The following SNTG1 variants were observed in gnomAD, a reference collection of about 807,000 sequenced individuals.
SNTG1 encodes gamma-1-syntrophin.
SNTG1 carries 39 observed loss-of-function variants against 74.7 expected under a neutral mutation model. That is an observed-to-expected ratio of 0.52 (90% CI 0.40 to 0.68). The LOEUF (loss-of-function observed/expected upper bound fraction) is 0.68, where lower values mean the gene tolerates loss of function less well. Among genes scored for constraint, SNTG1 ranks in the 30% least tolerant of loss-of-function variants. The pLI is 0.00. For synonymous variants in SNTG1, 254 were observed against 217.1 expected (o/e 1.17, Z -1.49); for missense variants, 685 against 609.5 (o/e 1.12, Z -1.30).
chr8:50,113,691 G>C (rs995032716), intron 1 of SNTG1, among the ~76,000 whole-genome samples: 2 of 152,074 alleles, frequency 1.3e-5, no homozygotes, highest in East Asian at 1.9e-4. Flanking sequence ...TCCAGTTTTT[G>C]CCCATTCAGT....
intron 1 of SNTG1, among the ~76,000 whole-genome samples, chr8:50,093,541 T>A (rs932598825): frequency 5.3e-5 from 8 of 152,092 alleles, no homozygotes. Context: ...CCATGTGGAT[T>A]TCATTTTAGG....
At chr8:50,474,831 T>A (rs945110987) in intron 8 of SNTG1, among the ~76,000 whole-genome samples, 1 of 152,018 alleles carries the variant, frequency 6.6e-6, no homozygotes, top group Non-Finnish European at 1.5e-5. Context: ...CCAAGCCAAA[T>A]GTCCATCAAT....
chr8:50,433,753 G>A (rs1372681175), intron 4 of SNTG1, among the ~76,000 whole-genome samples: 1 of 152,072 alleles, frequency 6.6e-6, no homozygotes, highest in East Asian at 1.9e-4. Flanking sequence ...CCTGTGCTAA[G>A]TGCTTGTGAG....
intron 1 of SNTG1, among the ~76,000 whole-genome samples, chr8:50,148,734 C>A (rs1405539822): frequency 6.6e-6 from 1 of 152,160 alleles, no homozygotes; most frequent in Non-Finnish European, 1.5e-5. Flanking sequence ...ATGAACTCAT[C>A]ATTTTTATGG....
intron 13 of SNTG1, among the ~76,000 whole-genome samples, chr8:50,607,224 G>A (rs1445893280): frequency 6.6e-6 from 1 of 151,778 alleles, no homozygotes; most frequent in East Asian, 1.9e-4. Context: ...TGGTAGCTTT[G>A]TAGATTGAAT....
chr8:50,783,688 C>T (rs577063683), intron 18 of SNTG1, among the ~76,000 whole-genome samples: 9 of 152,298 alleles, frequency 5.9e-5, no homozygotes, highest in South Asian at 4.1e-4. Flanking sequence ...GGCTTGTGCA[C>T]GGTGCGCTGC....
chr8:50,218,294 G>C (rs527947558), intron 2 of SNTG1, among the ~76,000 whole-genome samples: 20 of 151,984 alleles, frequency 1.3e-4, no homozygotes, highest in Non-Finnish European at 2.5e-4. Flanking sequence ...TGTGGGTTAC[G>C]CTTTGCTTCC....
At chr8:50,421,866 C>G (rs939164840) in intron 4 of SNTG1, among the ~76,000 whole-genome samples, 4 of 152,118 alleles carry the variant, frequency 2.6e-5, no homozygotes, top group Admixed American at 6.6e-5. Context: ...AGCTTATACA[C>G]CATCTTGAAA....
chr8:49,922,672 A>G (rs1218568310), intron 1 of SNTG1, among the ~76,000 whole-genome samples: 1 of 152,104 alleles, frequency 6.6e-6, no homozygotes, highest in Non-Finnish European at 1.5e-5. Context: ...CATCATCTGT[A>G]TATTTGGCAA....
chr8:50,667,283 G>A (rs566270555), intron 15 of SNTG1, among the ~76,000 whole-genome samples: 5 of 151,926 alleles, frequency 3.3e-5, no homozygotes, highest in Non-Finnish European at 5.9e-5. Flanking sequence ...TTGTAAGAAC[G>A]CCAAAGTAAC....
chr8:50,737,796 C>A (rs2131645764), intron 17 of SNTG1, among the ~76,000 whole-genome samples: 1 of 152,150 alleles, frequency 6.6e-6, no homozygotes, highest in Admixed American at 6.5e-5. Context: ...TAAACAGAAC[C>A]AATTACAAAA....
At chr8:50,633,257 C>G (rs970507603) in intron 13 of SNTG1, among the ~76,000 whole-genome samples, 4 of 152,178 alleles carry the variant, frequency 2.6e-5, no homozygotes, top group Non-Finnish European at 4.4e-5. Flanking sequence ...TCTAATGGTT[C>G]TTCACGTGGG....
chr8:50,500,649 C>G (rs1009195779), intron 8 of SNTG1, among the ~76,000 whole-genome samples: 8 of 152,106 alleles, frequency 5.3e-5, no homozygotes, highest in Non-Finnish European at 1.0e-4. Context: ...GACTCTGCCT[C>G]TTACTTGAGA....
chr8:50,112,873 T>C (rs994082745), intron 1 of SNTG1, among the ~76,000 whole-genome samples: 1 of 152,282 alleles, frequency 6.6e-6, no homozygotes. Flanking sequence ...TTCTTGTTTT[T>C]GTCAGGTTTG....
chr8:49,946,051 G>A (rs1809154876), intron 1 of SNTG1, among the ~76,000 whole-genome samples: 1 of 152,048 alleles, frequency 6.6e-6, no homozygotes, highest in South Asian at 2.1e-4. Flanking sequence ...TGACTCAAAA[G>A]CCCCTATTTT....
chr8:49,985,316 A>C (rs1394369883), intron 1 of SNTG1, among the ~76,000 whole-genome samples: 1 of 152,050 alleles, frequency 6.6e-6, no homozygotes, highest in Non-Finnish European at 1.5e-5. Flanking sequence ...TTTTTAAGAG[A>C]GATGGAGTTT....
At chr8:50,313,743 A>T (rs568337537) in intron 2 of SNTG1, among the ~76,000 whole-genome samples, 1 of 150,108 alleles carries the variant, frequency 6.7e-6, no homozygotes, top group Non-Finnish European at 1.5e-5. Flanking sequence ...AAATTATTTT[A>T]TTCTGGAGAA....
At chr8:49,926,570 C>T (rs1270771753) in intron 1 of SNTG1, among the ~76,000 whole-genome samples, 2 of 151,976 alleles carry the variant, frequency 1.3e-5, no homozygotes, top group African/African-American at 4.8e-5. Context: ...TAGACCTTAA[C>T]AGTATTGACA....
At chr8:49,994,123 T>A (rs930643945) in intron 1 of SNTG1, among the ~76,000 whole-genome samples, 4 of 152,128 alleles carry the variant, frequency 2.6e-5, no homozygotes, top group African/African-American at 7.2e-5. Context: ...TATATGGATA[T>A]ACCTATAAAA....
Sources: allele counts gnomAD v4.1 joint callset (sites outside exome capture counted in the v4.1 genomes callset), GRCh38; gene constraint gnomAD v4.1.1; transcripts MANE v1.5; gene names NCBI Gene and HGNC (gene_info 2026-07-23, HGNC 2026-07-21).